The following ARHGAP21 variants were observed in gnomAD, a reference collection of about 807,000 sequenced individuals.
ARHGAP21 encodes rho GTPase-activating protein 21.
ARHGAP21 carries 38 observed loss-of-function variants against 164.6 expected under a neutral mutation model. The observed-to-expected ratio is 0.23, with a 90% CI of 0.18 to 0.30. The LOEUF (loss-of-function observed/expected upper bound fraction) is 0.30, where lower values mean the gene tolerates loss of function less well. Among genes scored for constraint, ARHGAP21 ranks in the 10% least tolerant of loss-of-function variants. ARHGAP21 has a pLI of 1.00. For synonymous variants in ARHGAP21, 766 were observed against 857.9 expected (o/e 0.89, Z 1.87); for missense variants, 1,822 against 2,370.7 (o/e 0.77, Z 4.81).
intron 6 of ARHGAP21, 21 bp downstream of exon 6, chr10:24,633,381 T>G (rs1836030472): frequency 6.5e-7 from 1 of 1,548,416 alleles, no homozygotes; most frequent in East Asian, 2.3e-5. Flanking sequence ...TCTTTGGGTT[T>G]TAATGTTTTA....
chr10:24,653,196 T>C (rs1838381585), intron 4 of ARHGAP21, among the ~76,000 whole-genome samples: 1 of 152,242 alleles, frequency 6.6e-6, no homozygotes, highest in African/African-American at 2.4e-5. Flanking sequence ...TCTATTATGC[T>C]AACAAGTTCC....
chr10:24,658,929 A>C (rs1167232237), intron 4 of ARHGAP21, among the ~76,000 whole-genome samples: 1 of 152,230 alleles, frequency 6.6e-6, no homozygotes, highest in African/African-American at 2.4e-5. Flanking sequence ...ACAAGCACAC[A>C]AAAAGATGCC....
At chr10:24,648,631 T>C (rs1236667207) in intron 4 of ARHGAP21, among the ~76,000 whole-genome samples, 1 of 152,018 alleles carries the variant, frequency 6.6e-6, no homozygotes, top group Non-Finnish European at 1.5e-5. Context: ...AATACAAAAA[T>C]TAGCCAGGCG....
At chr10:24,605,337 T>C (rs2076977379) in intron 11 of ARHGAP21, among the ~76,000 whole-genome samples, 1 of 152,160 alleles carries the variant, frequency 6.6e-6, no homozygotes, top group Non-Finnish European at 1.5e-5. Flanking sequence ...TTTGTTACCA[T>C]GGAGTATCAG....
In ARHGAP21 at chr10:24,595,915, T is replaced by C. The variant is rs771531477; in HGVS notation, c.3606A>G (p.Gly1202=). ...ISSMQEELNK[G]MADIDIQDDK... is the part of the protein sequence containing the mutation. ...CATCTTGTATATCAATATCAGCCAT[T>C]CCCTTGTTGAGTTCTTCTTGCATAC... The change falls in exon 18 of 26, where the codon GGA becomes GGG. Residue 1202 remains glycine, a synonymous_variant. Transcript: ENST00000396432. 3.8e-5 allele frequency: 61 copies of C among 1,613,128 alleles called. No homozygotes were observed. The highest frequency in any genetic ancestry group is 4.7e-5 in the Non-Finnish European group (56 of 1,179,714).
At chr10:24,659,807 A>G (rs1215589764) in intron 4 of ARHGAP21, among the ~76,000 whole-genome samples, 2 of 152,242 alleles carry the variant, frequency 1.3e-5, no homozygotes, top group Admixed American at 6.5e-5. Context: ...CCCATCCAAG[A>G]GTAAAGAACT....
Position 24,721,954 on chromosome 10 carries a change from G to GC in ARHGAP21, c.-56dup. 6.3e-7 allele frequency: 1 copy of GC among 1,580,282 alleles called. No homozygotes were observed. The highest frequency in any genetic ancestry group is 8.7e-7 in the Non-Finnish European group (1 of 1,152,948). The stretch of plus-strand genomic sequence containing the variant: ...TCCTTTGGAGTCCACATTGGACGTG[G>GC]CGGGGAATGCCACCACACACCCGAA... On this transcript the variant is annotated 5_prime_UTR_variant, in exon 2 of 26. Transcript: ENST00000396432.
At chr10:24,626,612 A>C (rs138450457) in intron 7 of ARHGAP21, among the ~76,000 whole-genome samples, 2 of 152,286 alleles carry the variant, frequency 1.3e-5, no homozygotes, top group South Asian at 2.1e-4. Context: ...ATCCAGTCTA[A>C]GGTATTTTGT....
intron 7 of ARHGAP21, among the ~76,000 whole-genome samples, chr10:24,625,282 A>G (rs1449506084): frequency 6.6e-6 from 1 of 150,564 alleles, no homozygotes; most frequent in East Asian, 1.9e-4. Flanking sequence ...GATAAATGGT[A>G]AACAAAATGA....
intron 25 of ARHGAP21, 88 bp downstream of exon 25, chr10:24,589,183 G>T: frequency 9.0e-7 from 1 of 1,114,526 alleles, no homozygotes; most frequent in Non-Finnish European, 1.4e-6. Context: ...ATTAGACATA[G>T]AGAGGAATGC....
At chr10:24,635,189 A>T in intron 4 of ARHGAP21, 86 bp from the exon 5 acceptor site, 1 of 825,170 alleles carries the variant, frequency 1.2e-6, no homozygotes, top group Non-Finnish European at 1.8e-6. Context: ...GAGAGAATTA[A>T]GCAAAGCTTT....
intron 4 of ARHGAP21, among the ~76,000 whole-genome samples, chr10:24,658,432 C>T (rs368146475): frequency 1.3e-5 from 2 of 152,200 alleles, no homozygotes; most frequent in Non-Finnish European, 2.9e-5. Flanking sequence ...ACCAACCCAA[C>T]TGTCCATCAA....
At chr10:24,651,825 A>T (rs1838196300) in intron 4 of ARHGAP21, among the ~76,000 whole-genome samples, 1 of 152,246 alleles carries the variant, frequency 6.6e-6, no homozygotes, top group Non-Finnish European at 1.5e-5. Context: ...CAAATATTCC[A>T]GTATTATAAA....
At chr10:24,681,496 G>T (rs1841747849) in intron 2 of ARHGAP21, among the ~76,000 whole-genome samples, 1 of 152,122 alleles carries the variant, frequency 6.6e-6, no homozygotes, top group African/African-American at 2.4e-5. Flanking sequence ...AAGTAGAACA[G>T]GGTCCTAGTA....
chr10:24,673,816 T>G (rs749491493), intron 2 of ARHGAP21, among the ~76,000 whole-genome samples: 1 of 152,100 alleles, frequency 6.6e-6, no homozygotes, highest in Non-Finnish European at 1.5e-5. Context: ...GAGCCGAGAT[T>G]ACACCACTAC....
chr10:24,619,970 G>C lies in ARHGAP21; in HGVS notation c.1925C>G (p.Ser642Ter). 1 of 1,614,050 alleles carries C rather than the reference G, an allele frequency of 6.2e-7. No individual in the cohort carries two copies. The highest frequency in any genetic ancestry group is 8.5e-7 in the Non-Finnish European group (1 of 1,179,932). ...HVTKPSFSQKSFVSIKDQRPV... is the reference protein window; with the variant it reads ...HVTKPSFSQK The stretch of plus-strand genomic sequence containing the variant: ...TCTTTGGTCTTTGATAGAAACAAAT[G>C]ATTTCTGGCTAAATGATGGTTTTGT... Residue 642 changes from serine (S) to a stop codon, truncating the protein, a stop_gained, in exon 9 of 26, where the codon TCA (serine) becomes TGA (stop). Transcript: ENST00000396432. LOFTEE classifies it high-confidence loss of function.
chr10:24,591,726 T>TAA (rs2076339834), intron 22 of ARHGAP21, 43 bp from the exon 23 acceptor site: 1 of 1,608,684 alleles, frequency 6.2e-7, no homozygotes, highest in Non-Finnish European at 8.5e-7. Flanking sequence ...AACAAGCCTT[T>TAA]AAATATACTG....
At chr10:24,612,219 G>A (rs1385266143) in intron 9 of ARHGAP21, among the ~76,000 whole-genome samples, 3 of 152,036 alleles carry the variant, frequency 2.0e-5, no homozygotes, top group Non-Finnish European at 2.9e-5. Context: ...CCTCTGCTAC[G>A]AAGTAGTATT....
At chr10:24,627,641 C>T (rs971058219) in intron 7 of ARHGAP21, among the ~76,000 whole-genome samples, 2 of 152,092 alleles carry the variant, frequency 1.3e-5, no homozygotes, top group East Asian at 3.8e-4. Flanking sequence ...ACTGGTTTTT[C>T]TCTGTCTCTG....
Sources: allele counts gnomAD v4.1 joint callset (sites outside exome capture counted in the v4.1 genomes callset), GRCh38; gene constraint gnomAD v4.1.1; transcripts MANE v1.5; gene names NCBI Gene and HGNC (gene_info 2026-07-23, HGNC 2026-07-21).